Variants in DENND4C observed in about 807,000 individuals in gnomAD.
DENND4C encodes DENN domain containing 4C, also known as DENN domain-containing protein 4C.
Under a neutral mutation model 203.0 loss-of-function variants are expected in DENND4C, and 108 were observed. The ratio of observed to expected loss-of-function variants is 0.53; its 90% CI spans 0.46 to 0.62. DENND4C has a LOEUF of 0.62. Among genes scored for constraint, DENND4C ranks in the 20% least tolerant of loss-of-function variants. The pLI is 0.00. For missense variants in DENND4C, 2,481 were observed against 2,301.2 expected, an observed-to-expected ratio of 1.08 and a Z score of -1.60; for synonymous variants, 871 against 792.4, an observed-to-expected ratio of 1.10 and a Z score of -1.67.
chr9:19,339,330 C>T (rs1205275822), intron 20 of DENND4C, among the ~76,000 whole-genome samples: 1 of 152,120 alleles, frequency 6.6e-6, no homozygotes, highest in Non-Finnish European at 1.5e-5. Context: ...GTACTTTAAC[C>T]CCCTTTCTTT....
chr9:19,334,038 A>T (rs2131825826), intron 17 of DENND4C, among the ~76,000 whole-genome samples: 1 of 152,012 alleles, frequency 6.6e-6, no homozygotes, highest in Non-Finnish European at 1.5e-5. Flanking sequence ...GATTTTATTT[A>T]TATTTATTTA....
chr9:19,352,269 C>G (rs1824316830), intron 25 of DENND4C, 87 bp downstream of exon 25: 4 of 1,265,812 alleles, frequency 3.2e-6, no homozygotes, highest in African/African-American at 1.5e-5. Context: ...CTAAGATACC[C>G]TTGTGGACAG....
chr9:19,305,637 C>T (rs112734731), intron 10 of DENND4C, 110 bp downstream of exon 10: 29 of 1,112,766 alleles, frequency 2.6e-5, no homozygotes, highest in Middle Eastern at 2.9e-4. Flanking sequence ...GTTAAATCTT[C>T]GTCTTAAATA....
chr9:19,309,121 A>G (rs1355188959), intron 10 of DENND4C, among the ~76,000 whole-genome samples: 1 of 152,132 alleles, frequency 6.6e-6, no homozygotes, highest in Non-Finnish European at 1.5e-5. Flanking sequence ...GGTGATAAAA[A>G]TATTCTAAAA....
At chr9:19,295,346 A>G (rs902986958) in intron 5 of DENND4C, among the ~76,000 whole-genome samples, 3 of 152,208 alleles carry the variant, frequency 2.0e-5, no homozygotes, top group African/African-American at 7.2e-5. Context: ...TCTACTAAAA[A>G]TACAAAAAAT....
In DENND4C at chr9:19,336,171, G is replaced by GTATATATATA. The variant is rs148975875; in HGVS notation, c.2590-94_2590-85dup. 1,005 of 912,708 alleles carry GTATATATATA rather than the reference G, an allele frequency of 1.1e-3. 1 individual carries two copies. The highest frequency in any genetic ancestry group is 4.7e-3 in the Middle Eastern group (12 of 2,538). The allele number at this position is 912,708 out of a possible 1,614,324, so 56.5% of individuals were successfully genotyped here. On this transcript the variant is annotated intron_variant, in intron 18 of 32. Coordinates refer to ENST00000434457, the MANE Select transcript of DENND4C (RefSeq NM_001330640.2). ...GGCCAGTATAACTTTTTATATTTGT[G>GTATATATATA]TATATATATATATAAACATACACAC... is the stretch of plus-strand genomic sequence containing the variant.
At chr9:19,345,833 A>T in intron 22 of DENND4C, 88 bp from the exon 23 acceptor site, 1 of 1,213,828 alleles carries the variant, frequency 8.2e-7, no homozygotes, top group Non-Finnish European at 1.1e-6. Flanking sequence ...AGTATATGTC[A>T]CATTCATAAT....
intron 21 of DENND4C, among the ~76,000 whole-genome samples, chr9:19,342,256 C>T (rs1039016619): frequency 2.6e-5 from 4 of 151,926 alleles, no homozygotes; most frequent in African/African-American, 9.7e-5. Flanking sequence ...GAATAAGACA[C>T]TCTTCCTGTT....
intron 23 of DENND4C, among the ~76,000 whole-genome samples, chr9:19,350,042 C>T (rs1284703514): frequency 6.6e-6 from 1 of 152,036 alleles, no homozygotes; most frequent in Non-Finnish European, 1.5e-5. Flanking sequence ...ACAAGGAAGA[C>T]ACAAATCTTT....
intron 1 of DENND4C, among the ~76,000 whole-genome samples, chr9:19,240,097 T>G (rs1453412723): frequency 2.0e-5 from 3 of 152,226 alleles, no homozygotes; most frequent in African/African-American, 7.2e-5. Flanking sequence ...GATACTCTCT[T>G]GTTAGATGTA....
chr9:19,316,348 G>T, intron 10 of DENND4C, 69 bp from the exon 11 acceptor site: 2 of 1,248,460 alleles, frequency 1.6e-6, no homozygotes, highest in East Asian at 2.4e-5. Flanking sequence ...TTAGGTTGAT[G>T]CAAGAATTTT....
chr9:19,308,708 G>A (rs536989749), intron 10 of DENND4C, among the ~76,000 whole-genome samples: 1 of 152,020 alleles, frequency 6.6e-6, no homozygotes, highest in South Asian at 2.1e-4. Flanking sequence ...ACTGTTTTTG[G>A]TTCTTGTATA....
At chr9:19,294,467 A>G (rs1241323939) in intron 5 of DENND4C, among the ~76,000 whole-genome samples, 1 of 152,154 alleles carries the variant, frequency 6.6e-6, no homozygotes, top group African/African-American at 2.4e-5. Flanking sequence ...GCTGTGGAAA[A>G]CAGTTTGGCA....
intron 26 of DENND4C, among the ~76,000 whole-genome samples, chr9:19,356,331 A>C (rs1825390863): frequency 6.6e-6 from 1 of 152,174 alleles, no homozygotes; most frequent in Admixed American, 6.5e-5. Context: ...AAAATGTACA[A>C]ATCTTAAACA....
chr9:19,262,501 G>A (rs568268851), intron 1 of DENND4C, among the ~76,000 whole-genome samples: 5 of 149,302 alleles, frequency 3.3e-5, no homozygotes, highest in Middle Eastern at 3.4e-3. Context: ...GTGCTATCTC[G>A]GCTCTCTGCA....
intron 15 of DENND4C, 26 bp from the exon 16 acceptor site, chr9:19,328,004 C>T (rs764214268): frequency 1.8e-5 from 28 of 1,569,042 alleles, no homozygotes; most frequent in Non-Finnish European, 2.4e-5. Context: ...TTTAAATCAG[C>T]AGTTCTATTT....
chr9:19,358,131 A>C lies in DENND4C; in HGVS notation c.5131A>C (p.Ser1711Arg). The change falls in exon 28 of 33, where the codon AGT (serine) becomes CGT (arginine). Residue 1711 changes from serine to arginine, a missense_variant. Transcript: ENST00000434457. The surrounding 1 kb of genome is among the most constrained non-coding windows in gnomAD (Gnocchi z 4.8). ...ACCGTTTCATGGCATCTCAACAGTT[A>C]GTCTTCCAAATAGTCTGCAGGAAGT... ...QRPFHGISTV[S>R]LPNSLQEVVD... The C allele has an allele frequency of 6.2e-7, 1 of 1,613,786 alleles. No homozygotes were observed. Among genetic ancestry groups the C allele is most frequent in the Non-Finnish European group, 8.5e-7 (1 of 1,179,742 alleles).
At chr9:19,371,206 T>G (rs1346377565) in intron 31 of DENND4C, among the ~76,000 whole-genome samples, 1 of 152,234 alleles carries the variant, frequency 6.6e-6, no homozygotes, top group Non-Finnish European at 1.5e-5. Context: ...TTTTAGTGTT[T>G]CATTTGTAAC....
rs374258257 is a variant in DENND4C at position 19,327,137 on chromosome 9, ATTCTT to A, written c.2121-888_2121-884del. ...ATTTTGATTTCATGTTAACTATAGA[ATTCTT>A]TTCTGCTTTGGCTTAACTACAAGAA... On this transcript the variant is annotated intron_variant, in intron 15 of 32. Transcript: ENST00000434457. Among the ~76,000 whole-genome samples, 62 of 152,246 alleles carry A rather than the reference ATTCTT, an allele frequency of 4.1e-4. 1 individual carries two copies. In the South Asian group the frequency reaches 0.011, roughly 28 times the overall value.
Sources: gnomAD v4.1 joint callset for allele counts (sites outside exome capture counted in the v4.1 genomes callset) on GRCh38, gnomAD v4.1.1 for gene constraint, Gnocchi (gnomAD v3.1) non-coding constraint, MANE v1.5 for transcripts, NCBI Gene and HGNC (gene_info 2026-07-23, HGNC 2026-07-21) for gene names.